Variants in ERBB4 observed in about 807,000 individuals in gnomAD.
ERBB4 encodes the protein receptor tyrosine-protein kinase erbB-4.
In ERBB4, 42 loss-of-function variants were observed where a neutral mutation model predicts 158.0. That is an observed-to-expected ratio of 0.27 (90% CI 0.21 to 0.34). The LOEUF (loss-of-function observed/expected upper bound fraction) is 0.34, where lower values mean the gene tolerates loss of function less well. ERBB4 is among the 10% of genes least tolerant of loss of function. The probability of loss-of-function intolerance (pLI) is 1.00; values close to 1 mark genes in which losing one functional copy is unlikely to be tolerated. For missense variants in ERBB4, 1,333 were observed against 1,624.1 expected (o/e 0.82, Z 3.08); for synonymous variants, 583 against 558.7 (o/e 1.04, Z -0.61).
intron 1 of ERBB4, among the ~76,000 whole-genome samples, chr2:212,317,880 C>A (rs1486190309): frequency 6.6e-6 from 1 of 151,394 alleles, no homozygotes; most frequent in South Asian, 2.1e-4. Context: ...AGAAGTTTAA[C>A]AAATAGAAAC....
At chr2:211,821,698 A>G (rs2076998814) in intron 3 of ERBB4, among the ~76,000 whole-genome samples, 1 of 152,018 alleles carries the variant, frequency 6.6e-6, no homozygotes, top group Non-Finnish European at 1.5e-5. Context: ...CCAGAAATTA[A>G]TTCATGTATC....
At chr2:211,620,744 T>C (rs1311805561) in intron 18 of ERBB4, among the ~76,000 whole-genome samples, 3 of 152,212 alleles carry the variant, frequency 2.0e-5, no homozygotes, top group Admixed American at 2.0e-4. Flanking sequence ...TTATTCATTA[T>C]TCAATAAAGT....
intron 20 of ERBB4, among the ~76,000 whole-genome samples, chr2:211,526,036 G>A (rs1021505766): frequency 1.3e-5 from 2 of 152,136 alleles, no homozygotes; most frequent in African/African-American, 4.8e-5. Flanking sequence ...CACCCTGAAG[G>A]GAAGAACATA....
chr2:212,532,088 T>A (rs13392407), intron 1 of ERBB4, among the ~76,000 whole-genome samples: 19,378 of 152,280 alleles, frequency 0.13, 1,318 homozygotes, highest in Non-Finnish European at 0.15. Flanking sequence ...TAACCTTTTA[T>A]TTGTTTCCTT....
At chr2:211,524,791 C>T (rs1403496313) in intron 20 of ERBB4, among the ~76,000 whole-genome samples, 1 of 152,174 alleles carries the variant, frequency 6.6e-6, no homozygotes, top group African/African-American at 2.4e-5. Context: ...AGGGAGCCGG[C>T]TCTGGCCTTG....
chr2:211,973,350 C>T (rs550364867), intron 2 of ERBB4, among the ~76,000 whole-genome samples: 40 of 152,010 alleles, frequency 2.6e-4, no homozygotes, highest in Admixed American at 1.8e-3. Flanking sequence ...TACAGGTGCC[C>T]GCCACCACAC....
chr2:211,607,789 G>A lies in ERBB4; in HGVS notation c.2301+11388C>T, dbSNP rs532383192. Reference sequence around the variant, plus strand: ...TAATAGACTCAAATAAGTATAGATTGTATGATAATCACTTCATGAAAAGCG... The same window carrying A: ...TAATAGACTCAAATAAGTATAGATTATATGATAATCACTTCATGAAAAGCG... On this transcript the variant is annotated intron_variant, in intron 19 of 27. Transcript: ENST00000342788. Among the ~76,000 whole-genome samples, 184 of 150,280 alleles carry A rather than the reference G, an allele frequency of 1.2e-3. 1 individual carries two copies. Among genetic ancestry groups the A allele is most frequent in the South Asian group, 6.1e-3 (29 of 4,746 alleles).
rs181406808 is a variant in ERBB4 at position 212,382,018 on chromosome 2, G to A, written c.82+156431C>T. Among the ~76,000 whole-genome samples, 93 of 150,910 alleles carry A rather than the reference G, an allele frequency of 6.2e-4. 1 individual carries two copies. In the East Asian group the frequency reaches 0.016, roughly 26 times the overall value. On this transcript the variant is annotated intron_variant, in intron 1 of 27. Transcript: ENST00000342788. ...GGAGCAGAAGCAACAGCATCACTTA[G>A]GAGTCTGTTAGAAATACAGAATTTT... is the stretch of plus-strand genomic sequence containing the variant.
intron 12 of ERBB4, among the ~76,000 whole-genome samples, chr2:211,690,359 G>A (rs1284770834): frequency 6.6e-6 from 1 of 152,028 alleles, no homozygotes; most frequent in East Asian, 1.9e-4. Flanking sequence ...AAGTGGAAGG[G>A]TAAAGGCTGA....
At position 211,665,482 on chromosome 2, in the gene ERBB4, A is replaced by C. The variant is rs201442931; in HGVS notation, c.1717-5T>G. ...CTTTGTACAGTTGTCAGGACCCTGA[A>C]ATGTGAAAACGAAAAAAAAAGAAAA... On this transcript the variant is annotated splice_region_variant and splice_polypyrimidine_tract_variant and intron_variant, in intron 14 of 27. Transcript: ENST00000342788. 1 of 1,614,028 alleles carries C rather than the reference A, an allele frequency of 6.2e-7. No homozygotes were observed. The highest frequency in any genetic ancestry group is 2.2e-5 in the East Asian group (1 of 44,870).
chr2:212,034,531 T>C (rs1385906154), intron 2 of ERBB4, among the ~76,000 whole-genome samples: 1 of 152,058 alleles, frequency 6.6e-6, no homozygotes, highest in African/African-American at 2.4e-5. Context: ...TACAATAATT[T>C]TACTCATTGA....
Position 211,903,752 on chromosome 2 carries a change from G to A in ERBB4, c.421+43678C>T, listed in dbSNP as rs530226202. On this transcript the variant is annotated intron_variant, in intron 3 of 27. Coordinates refer to ENST00000342788, the MANE Select transcript of ERBB4 (RefSeq NM_005235.3). The stretch of plus-strand genomic sequence containing the variant: ...AAAAAAGAGGTTTGTATTAAATGCC[G>A]ATTTCACTCTGTAGCATTGATTACA... Among the ~76,000 whole-genome samples, 14 of 151,176 alleles carry A rather than the reference G, an allele frequency of 9.3e-5. 1 individual carries two copies. In the Middle Eastern group the frequency reaches 0.014, roughly 148 times the overall value.
At position 212,404,122 on chromosome 2, in the gene ERBB4, T is replaced by C. The variant is rs142260571; in HGVS notation, c.82+134327A>G. 1.2e-4 allele frequency among the ~76,000 whole-genome samples: 18 copies of C among 152,060 alleles called. No individual in the cohort carries two copies. In the East Asian group the frequency reaches 3.5e-3, roughly 29 times the overall value. On this transcript the variant is annotated intron_variant, in intron 1 of 27. Transcript: ENST00000342788. ...ATGCAAAGTTTATTCACACGAGCCA[T>C]GAGGGAAGAGAGAAAAGCAGAATCC...
At chr2:212,203,782 C>T (rs1459994534) in intron 1 of ERBB4, among the ~76,000 whole-genome samples, 1 of 152,140 alleles carries the variant, frequency 6.6e-6, no homozygotes, top group Non-Finnish European at 1.5e-5. Context: ...AGCTGTTTCC[C>T]AACTTTACCT....
intron 1 of ERBB4, among the ~76,000 whole-genome samples, chr2:212,167,020 A>T (rs2081365914): frequency 6.6e-6 from 1 of 152,214 alleles, no homozygotes; most frequent in Non-Finnish European, 1.5e-5. Flanking sequence ...ACCATTCAGG[A>T]CATAGGTATG....
intron 20 of ERBB4, among the ~76,000 whole-genome samples, chr2:211,452,789 T>TGGGGGG (rs1559182612): frequency 2.6e-5 from 4 of 152,178 alleles, no homozygotes; most frequent in African/African-American, 9.6e-5. Flanking sequence ...GGCACTTCAC[T>TGGGGGG]GGGTTTTACC....
chr2:212,507,982 C>A (rs1381886163), intron 1 of ERBB4, among the ~76,000 whole-genome samples: 1 of 152,086 alleles, frequency 6.6e-6, no homozygotes, highest in Non-Finnish European at 1.5e-5. Flanking sequence ...ATTTCATTGT[C>A]TTATATTAAG....
At chr2:212,286,842 C>T (rs1034786689) in intron 1 of ERBB4, among the ~76,000 whole-genome samples, 8 of 143,084 alleles carry the variant, frequency 5.6e-5, no homozygotes, top group Non-Finnish European at 9.0e-5. Flanking sequence ...AACTTCTGAA[C>T]TCAAGCGATC....
chr2:211,891,017 G>C (rs1210576283), intron 3 of ERBB4, among the ~76,000 whole-genome samples: 1 of 89,166 alleles, frequency 1.1e-5, no homozygotes, highest in African/African-American at 5.2e-5. Flanking sequence ...AGTCAACAAG[G>C]ATACCCAGGA....
Sources: allele counts gnomAD v4.1 joint callset (sites outside exome capture counted in the v4.1 genomes callset), GRCh38; gene constraint gnomAD v4.1.1; transcripts MANE v1.5; gene names NCBI Gene and HGNC (gene_info 2026-07-23, HGNC 2026-07-21).